Variants in TGFBR3 observed in about 807,000 individuals in gnomAD.
The protein encoded by TGFBR3 is transforming growth factor beta receptor 3, also known as transforming growth factor beta receptor type 3.
TGFBR3 carries 46 observed loss-of-function variants against 87.9 expected under a neutral mutation model. That is an observed-to-expected ratio of 0.52 (90% CI 0.41 to 0.67). The LOEUF is 0.67. Ranked by LOEUF, TGFBR3 falls within the 30% of genes least tolerant of loss-of-function variation. The pLI is 0.00. For synonymous variants in TGFBR3, 381 were observed against 391.6 expected (o/e 0.97, Z 0.32); for missense variants, 866 against 1,041.9 (o/e 0.83, Z 2.32).
At position 91,751,252 on chromosome 1, in the gene TGFBR3, G is replaced by C. The variant is rs1411295994; in HGVS notation, c.384+7361C>G. On this transcript the variant is annotated intron_variant, in intron 4 of 16. Coordinates refer to ENST00000212355, the MANE Select transcript of TGFBR3 (RefSeq NM_003243.5). The stretch of plus-strand genomic sequence containing the variant: ...CCAGATTTTTAAATGTAACACAATA[G>C]AATACAGAATTTTTTTTAAAAAAAG... Among the ~76,000 whole-genome samples the C allele has an allele frequency of 2.0e-5, 3 of 152,142 alleles. No individual in the cohort carries two copies. In the East Asian group the frequency reaches 5.8e-4, roughly 29 times the overall value.
intron 4 of TGFBR3, among the ~76,000 whole-genome samples, chr1:91,757,342 T>A (rs575007179): frequency 2.0e-5 from 3 of 152,262 alleles, no homozygotes; most frequent in Non-Finnish European, 4.4e-5. Context: ...ACAGCGTCCA[T>A]CTGCCCCACA....
chr1:91,796,195 TTA>T (rs1675374444), intron 3 of TGFBR3, among the ~76,000 whole-genome samples: 1 of 152,210 alleles, frequency 6.6e-6, no homozygotes, highest in Non-Finnish European at 1.5e-5. Flanking sequence ...ATACTCTGTG[TTA>T]TCTTGTTGGG....
In TGFBR3 at chr1:91,680,673, A is replaced by G. The variant is rs1438163619; in HGVS notation, c.*3066T>C. 4.4e-6 allele frequency: 2 copies of G among 453,978 alleles called. No individual in the cohort carries two copies. Among genetic ancestry groups the G allele is most frequent in the African/African-American group, 4.0e-5 (2 of 49,994 alleles). 28.1% of individuals were successfully genotyped at this position (453,978 alleles called of 1,614,324 possible). A position where few individuals can be genotyped will look rare whatever the true frequency, so the allele number is the denominator to read the frequency against. On this transcript the variant is annotated 3_prime_UTR_variant, in exon 17 of 17. Transcript: ENST00000212355. ...ATAAAACAAACATGAAAAAAATCAC[A>G]TAGGACTCACCCAACAAAATGTGCT...
chr1:91,705,892 A>G (rs1008267418), intron 14 of TGFBR3, among the ~76,000 whole-genome samples: 3 of 152,244 alleles, frequency 2.0e-5, no homozygotes, highest in Admixed American at 6.5e-5. Context: ...TTTATACAAG[A>G]AAACATTGAA....
chr1:91,755,675 C>T (rs919690414), intron 4 of TGFBR3, among the ~76,000 whole-genome samples: 7 of 152,090 alleles, frequency 4.6e-5, no homozygotes, highest in African/African-American at 1.7e-4. Flanking sequence ...AAACTGATGA[C>T]CAAGAAGCAG....
intron 14 of TGFBR3, among the ~76,000 whole-genome samples, chr1:91,699,664 A>G (rs1351232372): frequency 6.6e-6 from 1 of 152,114 alleles, no homozygotes; most frequent in Non-Finnish European, 1.5e-5. Flanking sequence ...GCAGAAAAAA[A>G]TTTTGTATCA....
At chr1:91,764,317 C>CCA (rs766180628) in intron 3 of TGFBR3, among the ~76,000 whole-genome samples, 1 of 77,394 alleles carries the variant, frequency 1.3e-5, no homozygotes, top group Non-Finnish European at 2.3e-5. Context: ...ACAAAAGAGA[C>CCA]AAAAAAAAAA....
intron 2 of TGFBR3, among the ~76,000 whole-genome samples, chr1:91,891,169 G>C (rs910014694): frequency 3.3e-5 from 5 of 151,378 alleles, no homozygotes; most frequent in African/African-American, 1.2e-4. Flanking sequence ...GATTACAGGT[G>C]TGAGTCACTG....
chr1:91,762,947 T>G (rs1674026012), intron 3 of TGFBR3, among the ~76,000 whole-genome samples: 1 of 152,184 alleles, frequency 6.6e-6, no homozygotes, highest in Admixed American at 6.5e-5. Context: ...TATCTCTCAC[T>G]TGGGAAGAAC....
At chr1:91,828,026 A>T (rs1676709703) in intron 2 of TGFBR3, among the ~76,000 whole-genome samples, 1 of 152,218 alleles carries the variant, frequency 6.6e-6, no homozygotes, top group African/African-American at 2.4e-5. Flanking sequence ...CCGGAACATT[A>T]TCTTGGTTAA....
intron 1 of TGFBR3, among the ~76,000 whole-genome samples, chr1:91,878,216 A>G (rs771036136): frequency 3.3e-5 from 5 of 152,126 alleles, no homozygotes; most frequent in Non-Finnish European, 7.4e-5. Flanking sequence ...AGGGTACCAC[A>G]TGAACACAAG....
intron 4 of TGFBR3, among the ~76,000 whole-genome samples, chr1:91,750,773 G>A (rs1009049396): frequency 6.6e-6 from 1 of 152,184 alleles, no homozygotes; most frequent in Non-Finnish European, 1.5e-5. Flanking sequence ...GCTTCTGGCC[G>A]AGCCAAGAGC....
Position 91,683,830 on chromosome 1 carries a change from G to A in TGFBR3, c.2465C>T (p.Pro822Leu). Residue 822 changes from proline to leucine, a missense_variant, in exon 17 of 17, where the codon CCC (proline) becomes CTC (leucine). By Grantham distance (98) the Pro-to-Leu change is moderately conservative. Coordinates refer to ENST00000212355, the MANE Select transcript of TGFBR3 (RefSeq NM_003243.5). ...TGETAGRQQV[P>L]TSPPASENSS... ...GTTTTCCGAGGCTGGCGGGGAGGTG[G>A]GGACTTGCTGCCTTCCTGCTGTCTC... is the stretch of plus-strand genomic sequence containing the variant. 6.2e-7 allele frequency: 1 copy of A among 1,605,380 alleles called. No homozygotes were observed. Among genetic ancestry groups the A allele is most frequent in the South Asian group, 1.1e-5 (1 of 89,142 alleles).
chr1:91,842,775 C>G (rs1677336284), intron 2 of TGFBR3, among the ~76,000 whole-genome samples: 1 of 152,166 alleles, frequency 6.6e-6, no homozygotes, highest in African/African-American at 2.4e-5. Flanking sequence ...CTTCTGGCTG[C>G]TTTACAAGTA....
chr1:91,892,642 C>T lies in TGFBR3; in HGVS notation c.-114+6995G>A, dbSNP rs187805618. Among the ~76,000 whole-genome samples the T allele has an allele frequency of 2.6e-5, 4 of 152,196 alleles. No individual in the cohort carries two copies. The East Asian group carries it at 7.7e-4, about 29-fold the overall frequency. ...TGAACCCTCTCTGTTCAGGGTTATA[C>T]CTTGAACATTGAACAGAAATTAGTG... On this transcript the variant is annotated intron_variant, in intron 2 of 17. Transcript: ENST00000370399.
upstream of TGFBR3, among the ~76,000 whole-genome samples, chr1:91,887,719 C>G (rs1325396774): frequency 6.6e-6 from 1 of 152,176 alleles, no homozygotes; most frequent in African/African-American, 2.4e-5. Flanking sequence ...ATTGGAGATT[C>G]ATTCACAAAG....
intron 3 of TGFBR3, among the ~76,000 whole-genome samples, chr1:91,787,394 G>A (rs546293043): frequency 2.6e-5 from 4 of 152,258 alleles, no homozygotes; most frequent in South Asian, 2.1e-4. Context: ...ACTCACCCAG[G>A]GTCACACATG....
intron 2 of TGFBR3, among the ~76,000 whole-genome samples, chr1:91,839,929 C>T (rs1282826843): frequency 6.6e-6 from 1 of 152,094 alleles, no homozygotes; most frequent in Non-Finnish European, 1.5e-5. Context: ...TAAGGTAAAG[C>T]TGAGTGATAA....
intron 2 of TGFBR3, among the ~76,000 whole-genome samples, chr1:91,850,369 T>C (rs956129456): frequency 1.3e-5 from 2 of 152,172 alleles, no homozygotes; most frequent in African/African-American, 4.8e-5. Context: ...CCATGTAGTA[T>C]TATAACTTTA....
Sources: gnomAD v4.1 joint callset for allele counts (sites outside exome capture counted in the v4.1 genomes callset) on GRCh38, gnomAD v4.1.1 for gene constraint, MANE v1.5 for transcripts, NCBI Gene and HGNC (gene_info 2026-07-23, HGNC 2026-07-21) for gene names.